The following AGMO variants were observed in gnomAD, a reference collection of about 807,000 sequenced individuals.
The protein encoded by AGMO is glyceryl-ether monooxygenase.
Under a neutral mutation model 60.2 loss-of-function variants are expected in AGMO, and 75 were observed. The observed-to-expected ratio is 1.25, with a 90% CI of 1.03 to 1.51. The LOEUF is 1.51. AGMO is among the 40% of genes most tolerant of loss of function. The probability of loss-of-function intolerance (pLI) is 0.00; values close to 1 mark genes in which losing one functional copy is unlikely to be tolerated. For missense variants in AGMO, 763 were observed against 525.5 expected (o/e 1.45, Z -4.42); for synonymous variants, 261 against 177.1 (o/e 1.47, Z -3.76).
At chr7:15,312,476 G>A (rs1156257719) in intron 12 of AGMO, among the ~76,000 whole-genome samples, 3 of 125,198 alleles carry the variant, frequency 2.4e-5, no homozygotes, top group East Asian at 5.4e-4. Flanking sequence ...ACAATCAAAT[G>A]TATCTTTAGT....
intron 3 of AGMO, among the ~76,000 whole-genome samples, chr7:15,454,536 A>G (rs1781947171): frequency 6.6e-6 from 1 of 152,130 alleles, no homozygotes. Context: ...AAAACTATTG[A>G]CCTATATAAG....
intron 12 of AGMO, among the ~76,000 whole-genome samples, chr7:15,352,731 C>A (rs552125974): frequency 6.6e-6 from 1 of 151,786 alleles, no homozygotes; most frequent in Admixed American, 6.6e-5. Flanking sequence ...TGCCAAATAT[C>A]CATGCGCCTT....
At chr7:15,365,034 C>T (rs1782916716) in intron 12 of AGMO, among the ~76,000 whole-genome samples, 1 of 151,946 alleles carries the variant, frequency 6.6e-6, no homozygotes, top group Non-Finnish European at 1.5e-5. Flanking sequence ...CACAGAAGAA[C>T]ATATTTTTCA....
intron 12 of AGMO, among the ~76,000 whole-genome samples, chr7:15,234,129 C>T (rs1782344964): frequency 6.6e-6 from 1 of 152,168 alleles, no homozygotes; most frequent in African/African-American, 2.4e-5. Flanking sequence ...CTACTGACTA[C>T]AACTTCCGAA....
rs774136463 is a variant in AGMO, at chr7:15,560,280, G to A, written c.127-9C>T. On this transcript the variant is annotated splice_polypyrimidine_tract_variant and intron_variant, in intron 1 of 12. Transcript: ENST00000342526. ...ATGAAAAATGGAGTTGCCTGGAAAGGAAGTTGCAGAAAAGAGATGCTATTA... is the reference window on the plus strand; with the variant it reads ...ATGAAAAATGGAGTTGCCTGGAAAGAAAGTTGCAGAAAAGAGATGCTATTA... 6.2e-7 allele frequency: 1 copy of A among 1,610,566 alleles called. No individual in the cohort carries two copies. Among genetic ancestry groups the A allele is most frequent in the Non-Finnish European group, 8.5e-7 (1 of 1,177,788 alleles).
chr7:15,304,245 C>T (rs973184112), intron 12 of AGMO, among the ~76,000 whole-genome samples: 1 of 152,080 alleles, frequency 6.6e-6, no homozygotes, highest in Admixed American at 6.6e-5. Flanking sequence ...ACATTTGTTT[C>T]ATCTTTTAAA....
At chr7:15,324,711 T>C (rs1243507315) in intron 12 of AGMO, among the ~76,000 whole-genome samples, 1 of 152,160 alleles carries the variant, frequency 6.6e-6, no homozygotes, top group East Asian at 1.9e-4. Context: ...AGGAAGAAAC[T>C]GTTCCACCTC....
chr7:15,464,727 C>T (rs1416588481), intron 3 of AGMO, among the ~76,000 whole-genome samples: 7 of 152,144 alleles, frequency 4.6e-5, no homozygotes, highest in Admixed American at 4.6e-4. Context: ...AAACATAGTG[C>T]ATTGTGTTGT....
intron 3 of AGMO, among the ~76,000 whole-genome samples, chr7:15,446,538 A>T (rs1392010836): frequency 6.6e-6 from 1 of 152,208 alleles, no homozygotes; most frequent in Non-Finnish European, 1.5e-5. Context: ...GCTGATATGC[A>T]CATGTAAAAC....
intron 10 of AGMO, among the ~76,000 whole-genome samples, chr7:15,372,565 C>T (rs1449665834): frequency 1.3e-5 from 2 of 151,946 alleles, no homozygotes; most frequent in Non-Finnish European, 2.9e-5. Flanking sequence ...CAACAAAATC[C>T]CTGCCCTTGA....
In AGMO at chr7:15,232,791, A is replaced by ACACACACGCG. The variant is rs1233744793; in HGVS notation, c.1264-31433_1264-31432insCGCGTGTGTG. ...ATATTTAACTTTAAACATGGAAACC[A>ACACACACGCG]CACACACACGCACACACACACACAC... On this transcript the variant is annotated intron_variant, in intron 12 of 12. Coordinates refer to ENST00000342526, the MANE Select transcript of AGMO (RefSeq NM_001004320.2). Among the ~76,000 whole-genome samples the ACACACACGCG allele has an allele frequency of 7.7e-5, 8 of 104,462 alleles. No individual in the cohort carries two copies. In the Admixed American group the frequency reaches 7.7e-4, roughly 10 times the overall value. 68.5% of individuals were successfully genotyped at this position (104,462 alleles called of 152,430 possible).
the AGMO span, among the ~76,000 whole-genome samples, chr7:15,157,159 A>G: frequency 6.6e-6 from 1 of 152,114 alleles, no homozygotes; most frequent in Non-Finnish European, 1.5e-5. Context: ...ACAGTCTGGC[A>G]AAAAAACACC....
intron 2 of AGMO, among the ~76,000 whole-genome samples, chr7:15,559,146 T>A (rs1785234068): frequency 6.6e-6 from 1 of 152,146 alleles, no homozygotes; most frequent in Non-Finnish European, 1.5e-5. Context: ...TGAGTCCCAA[T>A]ATCATCTAAT....
chr7:15,363,859 T>C (rs1444884571), intron 12 of AGMO, among the ~76,000 whole-genome samples: 1 of 152,120 alleles, frequency 6.6e-6, no homozygotes, highest in Non-Finnish European at 1.5e-5. Flanking sequence ...AATGAAATTA[T>C]TGTCTTTCAT....
intron 12 of AGMO, among the ~76,000 whole-genome samples, chr7:15,224,137 A>G (rs1417874566): frequency 6.6e-6 from 1 of 152,006 alleles, no homozygotes; most frequent in Non-Finnish European, 1.5e-5. Context: ...GAGTCTCTCT[A>G]TGCACAGGTT....
chr7:15,427,407 C>G (rs911517049), intron 4 of AGMO, among the ~76,000 whole-genome samples: 1 of 152,160 alleles, frequency 6.6e-6, no homozygotes, highest in Non-Finnish European at 1.5e-5. Context: ...TTTGCCACAA[C>G]TAAGAAACCC....
chr7:15,319,463 GAAAT>G (rs1351647884), intron 12 of AGMO, among the ~76,000 whole-genome samples: 1 of 152,106 alleles, frequency 6.6e-6, no homozygotes, highest in South Asian at 2.1e-4. Flanking sequence ...ATAAGGATAT[GAAAT>G]AAATAAACAA....
chr7:15,391,128 T>C (rs957759073), intron 6 of AGMO, among the ~76,000 whole-genome samples: 17 of 152,082 alleles, frequency 1.1e-4, no homozygotes, highest in African/African-American at 4.1e-4. Flanking sequence ...TTCTTAAAGC[T>C]AGATGCATGC....
chr7:15,531,311 T>C (rs1398747738), intron 3 of AGMO, among the ~76,000 whole-genome samples: 2 of 102,466 alleles, frequency 2.0e-5, no homozygotes, highest in Admixed American at 1.4e-4. Flanking sequence ...CTATATATAT[T>C]CTATACATAT....
Sources: allele counts gnomAD v4.1 joint callset (sites outside exome capture counted in the v4.1 genomes callset), GRCh38; gene constraint gnomAD v4.1.1; transcripts MANE v1.5; gene names NCBI Gene and HGNC (gene_info 2026-07-23, HGNC 2026-07-21).